Variants in MGMT observed in about 807,000 individuals in gnomAD.
MGMT encodes the protein methylated-DNA--protein-cysteine methyltransferase.
A neutral mutation model predicts 15.9 loss-of-function variants in MGMT; 14 were observed. The observed-to-expected ratio is 0.88, with a 90% CI of 0.58 to 1.37. The LOEUF (loss-of-function observed/expected upper bound fraction) is 1.37. MGMT is among the 40% of genes most tolerant of loss of function. The pLI is 0.00. For synonymous variants in MGMT, 130 were observed against 118.2 expected, an observed-to-expected ratio of 1.10 and a Z score of -0.65; for missense variants, 282 against 268.1, an observed-to-expected ratio of 1.05 and a Z score of -0.36.
intron 2 of MGMT, among the ~76,000 whole-genome samples, chr10:129,558,074 C>G (rs890851741): frequency 1.4e-4 from 22 of 152,180 alleles, no homozygotes; most frequent in Non-Finnish European, 7.3e-5. Context: ...CACATCATCC[C>G]ACGTGTGCGT....
intron 2 of MGMT, among the ~76,000 whole-genome samples, chr10:129,611,379 A>G (rs778683873): frequency 3.9e-5 from 6 of 152,160 alleles, no homozygotes; most frequent in East Asian, 1.9e-4. Context: ...GGTGCCACAC[A>G]CTTTCAAACA....
At chr10:129,714,210 G>A (rs752336125) in intron 3 of MGMT, among the ~76,000 whole-genome samples, 5 of 152,226 alleles carry the variant, frequency 3.3e-5, no homozygotes, top group Admixed American at 6.5e-5. Context: ...CAGTAACAGC[G>A]AAGCACACCA....
chr10:129,716,332 T>C (rs2133150091), intron 3 of MGMT, among the ~76,000 whole-genome samples: 1 of 152,332 alleles, frequency 6.6e-6, no homozygotes, highest in African/African-American at 2.4e-5. Flanking sequence ...ACGACTTTTT[T>C]TTCTTGAGTA....
intron 2 of MGMT, among the ~76,000 whole-genome samples, chr10:129,670,142 T>C (rs1366381959): frequency 6.6e-6 from 1 of 152,128 alleles, no homozygotes; most frequent in African/African-American, 2.4e-5. Flanking sequence ...CACCATTGAT[T>C]ACACTCTTTA....
chr10:129,652,047 G>A lies in MGMT; in HGVS notation c.126-55848G>A, dbSNP rs539066770. 5.3e-5 allele frequency among the ~76,000 whole-genome samples: 8 copies of A among 152,322 alleles called. No homozygotes were observed. In the East Asian group the frequency reaches 7.7e-4, roughly 15 times the overall value. ...CTGAGTGCCCGAGAGGAAAGGTTCC[G>A]GGAAAGCTGCTGTCGGAAGCCGGGG... On this transcript the variant is annotated intron_variant, in intron 2 of 4. Coordinates refer to ENST00000651593, the MANE Select transcript of MGMT (RefSeq NM_002412.5).
chr10:129,612,572 G>A (rs771411388), intron 2 of MGMT, among the ~76,000 whole-genome samples: 1 of 152,214 alleles, frequency 6.6e-6, no homozygotes, highest in Non-Finnish European at 1.5e-5. Flanking sequence ...GGCTTGGGCC[G>A]TCCAGTGTCT....
At chr10:129,671,541 C>T (rs569868660) in intron 2 of MGMT, among the ~76,000 whole-genome samples, 32 of 152,096 alleles carry the variant, frequency 2.1e-4, no homozygotes, top group Non-Finnish European at 4.1e-4. Flanking sequence ...GCAACTGAGA[C>T]TTCCGGCCCA....
chr10:129,658,607 T>C (rs1202137957), intron 2 of MGMT, among the ~76,000 whole-genome samples: 1 of 152,226 alleles, frequency 6.6e-6, no homozygotes, highest in African/African-American at 2.4e-5. Context: ...CCCAGCCTGC[T>C]CTTTAAAAGC....
chr10:129,528,166 TG>T (rs1446367029), intron 1 of MGMT, among the ~76,000 whole-genome samples: 1 of 152,202 alleles, frequency 6.6e-6, no homozygotes, highest in Non-Finnish European at 1.5e-5. Context: ...TGCCAGGCAC[TG>T]TTATTCTAAA....
intron 1 of MGMT, among the ~76,000 whole-genome samples, chr10:129,518,956 A>G (rs998754043): frequency 2.1e-5 from 3 of 143,192 alleles, no homozygotes; most frequent in Admixed American, 6.9e-5. Flanking sequence ...CTCCGCAGGA[A>G]GAGGGACTGT....
intron 2 of MGMT, among the ~76,000 whole-genome samples, chr10:129,672,991 T>C (rs1054087655): frequency 1.3e-5 from 2 of 152,148 alleles, no homozygotes; most frequent in Admixed American, 1.3e-4. Flanking sequence ...CCCTAGGGAT[T>C]AATACGATCA....
chr10:129,577,542 G>T (rs956321999), intron 2 of MGMT, among the ~76,000 whole-genome samples: 4 of 152,038 alleles, frequency 2.6e-5, no homozygotes, highest in Non-Finnish European at 1.5e-5. Flanking sequence ...AATTCAAGAT[G>T]GATTAAAGAC....
At chr10:129,471,195 G>A (rs1845226892) in intron 1 of MGMT, among the ~76,000 whole-genome samples, 1 of 152,168 alleles carries the variant, frequency 6.6e-6, no homozygotes, top group Admixed American at 6.5e-5. Flanking sequence ...ACATTTTTCT[G>A]CAAGCACAGC....
intron 1 of MGMT, among the ~76,000 whole-genome samples, chr10:129,479,888 T>G (rs976020376): frequency 2.0e-5 from 3 of 152,150 alleles, no homozygotes; most frequent in Admixed American, 6.5e-5. Flanking sequence ...TTAAAACTTA[T>G]GAGGGATCCC....
chr10:129,665,335 C>G (rs147059223), intron 2 of MGMT, among the ~76,000 whole-genome samples: 102 of 150,524 alleles, frequency 6.8e-4, no homozygotes, highest in African/African-American at 2.3e-3. Flanking sequence ...AGAAAAGTGG[C>G]TTTACTCAGA....
intron 3 of MGMT, among the ~76,000 whole-genome samples, chr10:129,733,441 T>C (rs1407504663): frequency 1.3e-5 from 2 of 150,916 alleles, no homozygotes; most frequent in Admixed American, 1.3e-4. Context: ...TTGAGTTCAT[T>C]GTAGATTCTG....
At chr10:129,696,072 G>A (rs1295305624) in intron 2 of MGMT, among the ~76,000 whole-genome samples, 2 of 152,120 alleles carry the variant, frequency 1.3e-5, no homozygotes, top group African/African-American at 4.8e-5. Flanking sequence ...GTGTCATGGG[G>A]GGAGGCAAGG....
intron 2 of MGMT, among the ~76,000 whole-genome samples, chr10:129,626,167 G>A (rs542637954): frequency 4.9e-4 from 74 of 152,254 alleles, no homozygotes; most frequent in African/African-American, 1.6e-3. Context: ...TCCGCGCTTG[G>A]GAAGAGCCAC....
At chr10:129,632,826 T>G (rs537960412) in intron 2 of MGMT, among the ~76,000 whole-genome samples, 2 of 152,050 alleles carry the variant, frequency 1.3e-5, no homozygotes, top group South Asian at 2.1e-4. Flanking sequence ...TTTAATGATA[T>G]TTGATTCCAT....
Sources: gnomAD v4.1 joint callset for allele counts (sites outside exome capture counted in the v4.1 genomes callset) on GRCh38, gnomAD v4.1.1 for gene constraint, MANE v1.5 for transcripts, NCBI Gene and HGNC (gene_info 2026-07-23, HGNC 2026-07-21) for gene names.